The following THEMIS variants were observed in gnomAD, a reference collection of about 807,000 sequenced individuals.
THEMIS encodes the protein protein THEMIS.
A neutral mutation model predicts 52.6 loss-of-function variants in THEMIS; 37 were observed. That is an observed-to-expected ratio of 0.70 (90% CI 0.54 to 0.93). The LOEUF is 0.93. THEMIS is among the 40% of genes least tolerant of loss of function. The probability of loss-of-function intolerance (pLI) is 0.00; values close to 1 mark genes in which losing one functional copy is unlikely to be tolerated. For missense variants in THEMIS, 808 were observed against 763.1 expected (o/e 1.06, Z -0.69); for synonymous variants, 292 against 272.7 (o/e 1.07, Z -0.70).
At chr6:127,718,924 T>A (rs1189581989) in intron 5 of THEMIS, among the ~76,000 whole-genome samples, 1 of 151,922 alleles carries the variant, frequency 6.6e-6, no homozygotes, top group Admixed American at 6.6e-5. Flanking sequence ...TCTAGTATTT[T>A]GACTTTTATA....
In THEMIS at chr6:127,855,131, T is replaced by G. The variant is rs1303369022; in HGVS notation, c.149A>C (p.Lys50Thr). ...ECCFSTGEVI[K>T]ITGLKVKKII... ...CTTCTTAACTTTGAGACCAGTAATTTTAATCACTTCTCCTGTTGAAAAACA... is the reference window on the plus strand; with the variant it reads ...CTTCTTAACTTTGAGACCAGTAATTGTAATCACTTCTCCTGTTGAAAAACA... The change falls in exon 2 of 6, where the codon AAA becomes ACA. Residue 50 changes from lysine (K) to threonine (T), a missense_variant. By Grantham distance (78) the Lys-to-Thr change is moderately conservative. Transcript: ENST00000368248. 5.6e-6 allele frequency: 9 copies of G among 1,610,770 alleles called. No homozygotes were observed. Among genetic ancestry groups the G allele is most frequent in the Non-Finnish European group, 6.8e-6 (8 of 1,178,266 alleles).
chr6:127,861,943 C>A (rs567553412), intron 1 of THEMIS, among the ~76,000 whole-genome samples: 1 of 151,978 alleles, frequency 6.6e-6, no homozygotes, highest in Non-Finnish European at 1.5e-5. Flanking sequence ...TTTTATAACT[C>A]ATTTTTATTG....
At chr6:127,705,798 A>G (rs193142678), downstream of THEMIS, among the ~76,000 whole-genome samples, 3 of 152,134 alleles carry the variant, frequency 2.0e-5, no homozygotes, top group Non-Finnish European at 1.5e-5. Flanking sequence ...CATAGGGTAC[A>G]CAATTTGGAA....
Position 127,829,570 on chromosome 6 carries a change from A to G in THEMIS, c.615T>C (p.Phe205=). Residue 205 remains phenylalanine, a synonymous_variant, in exon 3 of 6, where the codon TTT becomes TTC. Coordinates refer to ENST00000368248, the MANE Select transcript of THEMIS (RefSeq NM_001010923.3). ...GATTCGTTGAGTCCCACTTATTTGA[A>G]AAATCTGTAAGGTTTACAGTTCTTG... The part of the protein sequence containing the change: ...NRTRTVNLTD[F]SNKWDSTNPF... 1 of 1,614,116 alleles carries G rather than the reference A, an allele frequency of 6.2e-7. No homozygotes were observed. Among genetic ancestry groups the G allele is most frequent in the Non-Finnish European group, 8.5e-7 (1 of 1,179,994 alleles).
chr6:127,830,522 C>T (rs1778664558), intron 2 of THEMIS, among the ~76,000 whole-genome samples: 1 of 151,488 alleles, frequency 6.6e-6, no homozygotes, highest in African/African-American at 2.4e-5. Context: ...CCCATCTACA[C>T]AAAGAATACA....
chr6:127,764,621 G>C (rs1776132246), intron 4 of THEMIS, among the ~76,000 whole-genome samples: 1 of 151,940 alleles, frequency 6.6e-6, no homozygotes, highest in Non-Finnish European at 1.5e-5. Flanking sequence ...CAAGACAGGT[G>C]TTGCATGCTG....
At chr6:127,912,810 A>G (rs1324947968) in intron 1 of THEMIS, among the ~76,000 whole-genome samples, 2 of 152,198 alleles carry the variant, frequency 1.3e-5, no homozygotes, top group African/African-American at 2.4e-5. Flanking sequence ...AATATGACAA[A>G]TTTTGTATAC....
chr6:127,876,162 A>G (rs1049635081), intron 1 of THEMIS, among the ~76,000 whole-genome samples: 1 of 152,218 alleles, frequency 6.6e-6, no homozygotes, highest in Non-Finnish European at 1.5e-5. Flanking sequence ...CAGAGTGGCA[A>G]GAGACACTAC....
At chr6:127,731,661 C>T (rs1210645336) in intron 4 of THEMIS, among the ~76,000 whole-genome samples, 1 of 141,894 alleles carries the variant, frequency 7.0e-6, no homozygotes, top group South Asian at 2.3e-4. Context: ...AACCATTGTA[C>T]TTCCATAATA....
chr6:127,895,517 T>C (rs1780937980), intron 1 of THEMIS, among the ~76,000 whole-genome samples: 1 of 151,514 alleles, frequency 6.6e-6, no homozygotes, highest in African/African-American at 2.4e-5. Flanking sequence ...CAAAATACGA[T>C]CTCAATATAG....
At chr6:127,841,716 A>C (rs1056232661) in intron 2 of THEMIS, among the ~76,000 whole-genome samples, 16 of 2,022 alleles carry the variant, frequency 7.9e-3, no homozygotes, top group Non-Finnish European at 0.012. Flanking sequence ...ACTAAAAAGC[A>C]AGAGAAAAAA....
At chr6:127,750,772 G>A (rs1775614595) in intron 4 of THEMIS, among the ~76,000 whole-genome samples, 2 of 151,774 alleles carry the variant, frequency 1.3e-5, no homozygotes, top group South Asian at 4.1e-4. Flanking sequence ...ACATTCATAA[G>A]ACTATCAGTG....
downstream of THEMIS, among the ~76,000 whole-genome samples, chr6:127,704,348 A>G (rs1773772953): frequency 1.3e-5 from 2 of 152,182 alleles, no homozygotes; most frequent in African/African-American, 2.4e-5. Context: ...CTGTGGTTAC[A>G]GCAAACTTGC....
rs490008 is a variant in THEMIS at position 127,709,812 on chromosome 6, G to A, written c.*173C>T. On this transcript the variant is annotated 3_prime_UTR_variant, in exon 6 of 6. Coordinates refer to ENST00000368248, the MANE Select transcript of THEMIS (RefSeq NM_001010923.3). ...AGACTATATGAATTCTATATCATAGGTTTCTGTAAGTTTTATCTGTTAAAA... is the reference window on the plus strand; with the variant it reads ...AGACTATATGAATTCTATATCATAGATTTCTGTAAGTTTTATCTGTTAAAA... 3.4e-6 allele frequency: 2 copies of A among 588,108 alleles called. No homozygotes were observed. The highest frequency in any genetic ancestry group is 7.2e-5 in the Admixed American group (2 of 27,668). The allele number at this position is 588,108 out of a possible 1,614,324, so 36.4% of individuals were successfully genotyped here. A position where few individuals can be genotyped will look rare whatever the true frequency, so the allele number is the denominator to read the frequency against.
chr6:127,851,570 G>A (rs1365821655), intron 2 of THEMIS, among the ~76,000 whole-genome samples: 1 of 151,758 alleles, frequency 6.6e-6, no homozygotes, highest in Non-Finnish European at 1.5e-5. Context: ...TGTACTGATA[G>A]CAAACAAGCA....
intron 4 of THEMIS, among the ~76,000 whole-genome samples, chr6:127,790,581 A>G (rs1777122292): frequency 6.6e-6 from 1 of 152,120 alleles, no homozygotes; most frequent in Non-Finnish European, 1.5e-5. Flanking sequence ...TGCTCTTCTC[A>G]TAGGATCCTT....
At chr6:127,739,684 C>A (rs1775130852) in intron 4 of THEMIS, among the ~76,000 whole-genome samples, 2 of 152,066 alleles carry the variant, frequency 1.3e-5, no homozygotes, top group South Asian at 2.1e-4. Flanking sequence ...TTTCCAGCTG[C>A]CTTTGAGGGC....
chr6:127,710,987 C>T (rs921881713), intron 5 of THEMIS, among the ~76,000 whole-genome samples: 1 of 126,748 alleles, frequency 7.9e-6, no homozygotes, highest in Non-Finnish European at 1.9e-5. Context: ...CCCTCCCTCC[C>T]TCCCTTCCTT....
chr6:127,904,890 TA>T (rs370517387), upstream of THEMIS, among the ~76,000 whole-genome samples: 17 of 152,052 alleles, frequency 1.1e-4, no homozygotes, highest in African/African-American at 4.1e-4. Flanking sequence ...GGACATACAG[TA>T]AGAGAGGATT....
Sources: allele counts gnomAD v4.1 joint callset (sites outside exome capture counted in the v4.1 genomes callset), GRCh38; gene constraint gnomAD v4.1.1; transcripts MANE v1.5; gene names NCBI Gene and HGNC (gene_info 2026-07-23, HGNC 2026-07-21).